Variants in OLFM3 observed in about 807,000 individuals in gnomAD.
OLFM3 encodes noelin-3.
Under a neutral mutation model 48.6 loss-of-function variants are expected in OLFM3, and 20 were observed. The observed-to-expected ratio is 0.41, with a 90% confidence interval of 0.29 to 0.60. The LOEUF (loss-of-function observed/expected upper bound fraction) is 0.60. Ranked by LOEUF, OLFM3 falls within the 20% of genes least tolerant of loss-of-function variation. The pLI is 0.28. For synonymous variants in OLFM3, 222 were observed against 198.1 expected, an observed-to-expected ratio of 1.12 and a Z score of -1.01; for missense variants, 437 against 544.3, an observed-to-expected ratio of 0.80 and a Z score of 1.96.
At chr1:101,805,046 A>C (rs1570494975) in intron 5 of OLFM3, 131 bp from the exon 6 acceptor site, 1 of 669,822 alleles carries the variant, frequency 1.5e-6, no homozygotes. Context: ...CTTACTGCTG[A>C]CCTGCCGCAA....
At chr1:101,882,799 C>G (rs970503815) in intron 1 of OLFM3, 5 of 151,726 alleles carry the variant, frequency 3.3e-5, no homozygotes, top group African/African-American at 1.2e-4. Flanking sequence ...GGACAGCTGC[C>G]AAGGATGGTG....
chr1:101,818,424 G>A (rs1039727705), intron 4 of OLFM3, among the ~76,000 whole-genome samples: 1 of 152,054 alleles, frequency 6.6e-6, no homozygotes, highest in Non-Finnish European at 1.5e-5. Flanking sequence ...GCATAGCAAT[G>A]GAGACATTGC....
intron 1 of OLFM3, among the ~76,000 whole-genome samples, chr1:101,967,826 C>T (rs961714863): frequency 2.0e-5 from 3 of 151,744 alleles, no homozygotes; most frequent in Non-Finnish European, 4.4e-5. Context: ...ACTTTTTTTC[C>T]TTTAGAGGAG....
intron 1 of OLFM3, among the ~76,000 whole-genome samples, chr1:101,860,154 C>T (rs1417749957): frequency 6.6e-6 from 1 of 151,970 alleles, no homozygotes; most frequent in East Asian, 1.9e-4. Flanking sequence ...CCCAGAGGCA[C>T]ACATGCTTCT....
chr1:101,943,018 C>T (rs547626002), intron 1 of OLFM3, among the ~76,000 whole-genome samples: 13 of 152,274 alleles, frequency 8.5e-5, no homozygotes, highest in African/African-American at 2.6e-4. Flanking sequence ...TCAGCTTTCT[C>T]GTCTCCTGTC....
chr1:101,916,038 G>A lies in OLFM3; in HGVS notation c.70-79013C>T, dbSNP rs17125734. Among the ~76,000 whole-genome samples, 1,507 of 152,144 alleles carry A rather than the reference G, an allele frequency of 9.9e-3. 25 individuals are homozygous for A. Among genetic ancestry groups the A allele is most frequent in the African/African-American group, 0.034 (1,393 of 41,516 alleles). ...ATTGACACAAAAAGACCGAATTGAC[G>A]CTACAAGTTACACAATGGGAAACTG... On this transcript the variant is annotated intron_variant, in intron 1 of 5. Coordinates refer to ENST00000370103, the MANE Select transcript of OLFM3 (RefSeq NM_058170.4).
rs1660593353 is a variant in OLFM3, at chr1:101,965,820, T to G, written c.69+30928A>C. On this transcript the variant is annotated intron_variant, in intron 1 of 5. Transcript: ENST00000370103. ...TTTTCAATTTGCACCTCCAGATCCA[T>G]TCTTCACCCTTCACCTCCTGCAATG... 3.3e-5 allele frequency among the ~76,000 whole-genome samples: 5 copies of G among 152,226 alleles called. No individual in the cohort carries two copies. In the South Asian group the frequency reaches 1.0e-3, roughly 32 times the overall value.
chr1:101,842,277 TAATCCC>T (rs1407158141), intron 1 of OLFM3, among the ~76,000 whole-genome samples: 2 of 152,196 alleles, frequency 1.3e-5, no homozygotes, highest in African/African-American at 4.8e-5. Flanking sequence ...CTCAGGTCTA[TAATCCC>T]AACACTTTGG....
chr1:101,975,836 C>T (rs987328514), intron 1 of OLFM3, among the ~76,000 whole-genome samples: 3 of 151,806 alleles, frequency 2.0e-5, no homozygotes, highest in South Asian at 2.1e-4. Flanking sequence ...AGCAACGCAG[C>T]GTAATACCCA....
At chr1:101,888,514 G>T (rs1657861935) in intron 1 of OLFM3, among the ~76,000 whole-genome samples, 1 of 152,148 alleles carries the variant, frequency 6.6e-6, no homozygotes, top group African/African-American at 2.4e-5. Context: ...ATGGATTCCA[G>T]ACTTAAATAT....
chr1:101,964,056 A>C (rs1660543787), intron 1 of OLFM3, among the ~76,000 whole-genome samples: 1 of 152,166 alleles, frequency 6.6e-6, no homozygotes, highest in South Asian at 2.1e-4. Flanking sequence ...CACAGCTTTC[A>C]CTTTCATTGA....
intron 1 of OLFM3, among the ~76,000 whole-genome samples, chr1:101,977,739 A>T (rs1221171923): frequency 1.3e-5 from 2 of 152,206 alleles, no homozygotes; most frequent in East Asian, 3.9e-4. Context: ...GCCAAGATTT[A>T]TTCCATCAAA....
intron 5 of OLFM3, among the ~76,000 whole-genome samples, 166 bp downstream of exon 5, chr1:101,805,910 T>C (rs754479518): frequency 8.6e-5 from 13 of 151,854 alleles, no homozygotes; most frequent in Non-Finnish European, 1.3e-4. Flanking sequence ...AATAGATTTG[T>C]CATTCTTTCG....
rs778199967 is a variant in OLFM3 at position 101,830,830 on chromosome 1, G to A, written c.217-3C>T. 1.9e-6 allele frequency: 3 copies of A among 1,611,872 alleles called. No individual in the cohort carries two copies. Among genetic ancestry groups the A allele is most frequent in the South Asian group, 1.1e-5 (1 of 90,778 alleles). On this transcript the variant is annotated splice_polypyrimidine_tract_variant and splice_region_variant and intron_variant, in intron 2 of 5. Coordinates refer to ENST00000370103, the MANE Select transcript of OLFM3 (RefSeq NM_058170.4). ...ATAGACTGGGACATGTTCTGAACCTGTTGAACAAGAATATTGTCTGTACAT... is the reference window on the plus strand; with the variant it reads ...ATAGACTGGGACATGTTCTGAACCTATTGAACAAGAATATTGTCTGTACAT...
At position 101,948,450 on chromosome 1, in the gene OLFM3, T is replaced by C. The variant is rs192637619; in HGVS notation, c.69+48298A>G. ...TCCTGAATATTTGTGTTAAGACTTG[T>C]ATGAGAGAGAGAGAGAGAGAGAGTT... is the stretch of plus-strand genomic sequence containing the variant. On this transcript the variant is annotated intron_variant, in intron 1 of 5. Coordinates refer to ENST00000370103, the MANE Select transcript of OLFM3 (RefSeq NM_058170.4). Among the ~76,000 whole-genome samples, 677 of 145,312 alleles carry C rather than the reference T, an allele frequency of 4.7e-3. 8 individuals carry two copies. In the Middle Eastern group the frequency reaches 0.074, roughly 16 times the overall value.
In OLFM3 at chr1:101,977,428, G is replaced by A. The variant is rs571236560; in HGVS notation, c.69+19320C>T. Among the ~76,000 whole-genome samples, 15 of 152,230 alleles carry A rather than the reference G, an allele frequency of 9.9e-5. No homozygotes were observed. The East Asian group carries it at 1.4e-3, about 14-fold the overall frequency. Reference sequence around the variant, plus strand: ...AATGGCTCATGAGTACAAAAAGAGCGTAGAGAATTGGAACAAACTAGAATC... The same window carrying A: ...AATGGCTCATGAGTACAAAAAGAGCATAGAGAATTGGAACAAACTAGAATC... On this transcript the variant is annotated intron_variant, in intron 1 of 5. Coordinates refer to ENST00000370103, the MANE Select transcript of OLFM3 (RefSeq NM_058170.4).
At chr1:101,881,385 T>C (rs1166216973) in intron 1 of OLFM3, among the ~76,000 whole-genome samples, 1 of 151,922 alleles carries the variant, frequency 6.6e-6, no homozygotes, top group Non-Finnish European at 1.5e-5. Context: ...AATCCTAAGA[T>C]CTTCATGAAA....
rs972797455 is a variant in OLFM3, at chr1:101,938,785, C to T, written c.69+57963G>A. ...CTCTCTCAAGGTATTTGTAACAAGT[C>T]CCCCCGAGGCCTGGGAAAATTGGAG... On this transcript the variant is annotated intron_variant, in intron 1 of 5. Coordinates refer to ENST00000370103, the MANE Select transcript of OLFM3 (RefSeq NM_058170.4). 7.2e-5 allele frequency among the ~76,000 whole-genome samples: 11 copies of T among 152,250 alleles called. No homozygotes were observed. In the East Asian group the frequency reaches 1.5e-3, roughly 21 times the overall value.
intron 1 of OLFM3, among the ~76,000 whole-genome samples, chr1:101,898,731 C>T (rs1476830784): frequency 6.6e-6 from 1 of 152,036 alleles, no homozygotes; most frequent in African/African-American, 2.4e-5. Context: ...TGCCTGTAGT[C>T]CCAGCTACTC....
Sources: allele counts gnomAD v4.1 joint callset (sites outside exome capture counted in the v4.1 genomes callset), GRCh38; gene constraint gnomAD v4.1.1; transcripts MANE v1.5; gene names NCBI Gene and HGNC (gene_info 2026-07-23, HGNC 2026-07-21).